LRRN1: variants seen among roughly 807,000 people sequenced by gnomAD.
LRRN1 encodes leucine rich repeat neuronal 1.
LRRN1 carries 14 observed loss-of-function variants against 45.8 expected under a neutral mutation model. That is an observed-to-expected ratio of 0.31 (90% CI 0.20 to 0.48). The LOEUF is 0.48. Among genes scored for constraint, LRRN1 ranks in the 20% least tolerant of loss-of-function variants. LRRN1 has a pLI of 0.99. For synonymous variants in LRRN1, 359 were observed against 330.1 expected (o/e 1.09, Z -0.95); for missense variants, 789 against 874.2 (o/e 0.90, Z 1.23).
chr3:3,800,761 CAGA>C (rs1692633405), intron 1 of LRRN1: 1 of 152,778 alleles, frequency 6.5e-6, no homozygotes, highest in Non-Finnish European at 1.5e-5. Flanking sequence ...GCCTTGAGCC[CAGA>C]AGGAGTGGCA....
At chr3:3,807,270 A>G (rs1043014757) in intron 1 of LRRN1, among the ~76,000 whole-genome samples, 18 of 152,240 alleles carry the variant, frequency 1.2e-4, no homozygotes, top group African/African-American at 4.3e-4. Context: ...CTAGAGTTAG[A>G]AAACGAGATA....
chr3:3,840,147 T>G (rs1405044655), intron 1 of LRRN1, among the ~76,000 whole-genome samples: 1 of 152,164 alleles, frequency 6.6e-6, no homozygotes, highest in East Asian at 1.9e-4. Flanking sequence ...GTAGGTACTT[T>G]CCTTCCATTC....
chr3:3,842,417 G>T lies in LRRN1; in HGVS notation c.-278-1947G>T, dbSNP rs567335501. ...CTGGATTTAATTTTTTTTTTTTATT[G>T]TTAGACCAGTAATGCAGTTTTCATA... On this transcript the variant is annotated intron_variant, in intron 1 of 1. Coordinates refer to ENST00000319331, the MANE Select transcript of LRRN1 (RefSeq NM_020873.7). Among the ~76,000 whole-genome samples the T allele has an allele frequency of 9.0e-4, 134 of 149,240 alleles. 1 individual carries two copies. Among genetic ancestry groups the T allele is most frequent in the South Asian group, 4.0e-3 (19 of 4,712 alleles).
chr3:3,807,873 C>G (rs1009665304), intron 1 of LRRN1, among the ~76,000 whole-genome samples: 9 of 152,204 alleles, frequency 5.9e-5, no homozygotes, highest in Non-Finnish European at 4.4e-5. Context: ...CCTAACCCCC[C>G]AAAGGACCAG....
At chr3:3,806,728 A>C (rs1052933808) in intron 1 of LRRN1, among the ~76,000 whole-genome samples, 1 of 152,210 alleles carries the variant, frequency 6.6e-6, no homozygotes, top group Non-Finnish European at 1.5e-5. Flanking sequence ...TTAAATATTT[A>C]TCTCATTTGA....
rs1303887013 is a variant in LRRN1, at chr3:3,847,045, T to C, written c.*253T>C. On this transcript the variant is annotated 3_prime_UTR_variant, in exon 2 of 2. Coordinates refer to ENST00000319331, the MANE Select transcript of LRRN1 (RefSeq NM_020873.7). ...CATTATTATGATTGTTATTATATTA[T>C]TATTTTATTTTAGTTGTTGTGCTAA... 1 of 281,472 alleles carries C rather than the reference T, an allele frequency of 3.6e-6. No homozygotes were observed. The highest frequency in any genetic ancestry group is 7.0e-6 in the Non-Finnish European group (1 of 142,488). 17.4% of individuals were successfully genotyped at this position (281,472 alleles called of 1,614,324 possible). A position where few individuals can be genotyped will look rare whatever the true frequency, so the allele number is the denominator to read the frequency against.
chr3:3,814,556 G>T (rs188140134), intron 1 of LRRN1, among the ~76,000 whole-genome samples: 3 of 152,104 alleles, frequency 2.0e-5, no homozygotes, highest in African/African-American at 7.2e-5. Context: ...TTTGTATATT[G>T]GAACTTAAAC....
At chr3:3,828,137 T>C (rs1376564584) in intron 1 of LRRN1, among the ~76,000 whole-genome samples, 2 of 35,346 alleles carry the variant, frequency 5.7e-5, no homozygotes, top group Non-Finnish European at 2.7e-4. Context: ...CAGAATTATA[T>C]ATATATATAT....
chr3:3,808,452 GTGAATGAA>G (rs1007768752), intron 1 of LRRN1, among the ~76,000 whole-genome samples: 3 of 152,172 alleles, frequency 2.0e-5, no homozygotes, highest in African/African-American at 4.8e-5. Context: ...TATTTGTCAA[GTGAATGAA>G]TGAATGAATG....
chr3:3,834,291 T>C (rs1458113866), intron 1 of LRRN1, among the ~76,000 whole-genome samples: 5 of 151,456 alleles, frequency 3.3e-5, no homozygotes, highest in Non-Finnish European at 7.4e-5. Flanking sequence ...GAATCAGGAG[T>C]GTCAAATGCA....
intron 1 of LRRN1, among the ~76,000 whole-genome samples, chr3:3,829,712 G>A (rs754776489): frequency 4.5e-4 from 68 of 152,200 alleles, no homozygotes; most frequent in Non-Finnish European, 8.1e-4. Flanking sequence ...TTCTTTAGCC[G>A]TAAAGTGAGT....
chr3:3,844,439 C>A lies in LRRN1; in HGVS notation c.-203C>A. ...TGCACATGCCTGGAATTGAGAGACACAGTTAAAAGACTCCAAGTTGCTTTC... is the reference window on the plus strand; with the variant it reads ...TGCACATGCCTGGAATTGAGAGACAAAGTTAAAAGACTCCAAGTTGCTTTC... On this transcript the variant is annotated 5_prime_UTR_variant, in exon 2 of 2. Transcript: ENST00000319331. The A allele has an allele frequency of 1.8e-6, 1 of 546,306 alleles. No individual in the cohort carries two copies. The highest frequency in any genetic ancestry group is 1.9e-5 in the African/African-American group (1 of 53,026). 33.8% of individuals were successfully genotyped at this position (546,306 alleles called of 1,614,324 possible).
At chr3:3,807,785 G>T (rs1328020737) in intron 1 of LRRN1, among the ~76,000 whole-genome samples, 1 of 152,138 alleles carries the variant, frequency 6.6e-6, no homozygotes, top group Non-Finnish European at 1.5e-5. Flanking sequence ...TAAGGACAGT[G>T]GAGTAGCAAT....
chr3:3,813,901 C>T (rs2106454458), intron 1 of LRRN1, among the ~76,000 whole-genome samples: 1 of 152,126 alleles, frequency 6.6e-6, no homozygotes, highest in South Asian at 2.1e-4. Flanking sequence ...GGAAACTCAC[C>T]CCACTCCCAA....
At chr3:3,802,252 G>A (rs2588359) in intron 1 of LRRN1, among the ~76,000 whole-genome samples, 129,476 of 152,220 alleles carry the variant, frequency 0.85, 56,707 homozygotes, top group East Asian at 1. Context: ...ACCTCTTGGC[G>A]TTGTGCGACA....
intron 1 of LRRN1, among the ~76,000 whole-genome samples, chr3:3,838,733 G>A (rs1230351324): frequency 2.0e-5 from 3 of 152,074 alleles, no homozygotes; most frequent in African/African-American, 7.2e-5. Flanking sequence ...AGTATGAGGT[G>A]ATATTTCATT....
intron 1 of LRRN1, among the ~76,000 whole-genome samples, chr3:3,820,206 G>T (rs1333145585): frequency 1.3e-5 from 2 of 152,096 alleles, no homozygotes; most frequent in African/African-American, 4.8e-5. Flanking sequence ...CCAAGAATGT[G>T]ATCTAGAAAT....
At chr3:3,832,068 C>T (rs985332130) in intron 1 of LRRN1, among the ~76,000 whole-genome samples, 11 of 152,188 alleles carry the variant, frequency 7.2e-5, no homozygotes, top group South Asian at 2.1e-4. Context: ...ATTGGAGTCA[C>T]GACTTAGTTA....
intron 1 of LRRN1, among the ~76,000 whole-genome samples, chr3:3,803,009 C>A (rs1269962577): frequency 3.9e-5 from 6 of 152,192 alleles, no homozygotes; most frequent in Non-Finnish European, 7.3e-5. Context: ...AGAAAAGGAT[C>A]ATTCTGCTAA....
Sources: allele counts gnomAD v4.1 joint callset (sites outside exome capture counted in the v4.1 genomes callset), GRCh38; gene constraint gnomAD v4.1.1; transcripts MANE v1.5; gene names NCBI Gene and HGNC (gene_info 2026-07-23, HGNC 2026-07-21).